PAK1: variants seen among roughly 807,000 people sequenced by gnomAD.
The protein encoded by PAK1 is p21 (RAC1) activated kinase 1.
PAK1 carries 29 observed loss-of-function variants against 67.4 expected under a neutral mutation model. The ratio of observed to expected loss-of-function variants is 0.43; its 90% CI spans 0.32 to 0.59. The LOEUF (loss-of-function observed/expected upper bound fraction) is 0.59, where lower values mean the gene tolerates loss of function less well. Among genes scored for constraint, PAK1 ranks in the 20% least tolerant of loss-of-function variants. The pLI is 0.07. For missense variants in PAK1, 337 were observed against 670.7 expected, an observed-to-expected ratio of 0.50 and a Z score of 5.50; for synonymous variants, 223 against 237.4, an observed-to-expected ratio of 0.94 and a Z score of 0.56.
At chr11:77,334,191 TAAAAAAATA>T (rs1942259651) in intron 13 of PAK1, among the ~76,000 whole-genome samples, 2 of 149,936 alleles carry the variant, frequency 1.3e-5, no homozygotes, top group Admixed American at 1.3e-4. Context: ...AAAATAAAAA[TAAAAAAATA>T]AAAAAATATG....
chr11:77,389,851 T>C (rs951657081), intron 2 of PAK1, among the ~76,000 whole-genome samples: 7 of 152,214 alleles, frequency 4.6e-5, no homozygotes, highest in South Asian at 2.1e-4. Flanking sequence ...TAAATGTTTT[T>C]AGTTTTGATG....
At chr11:77,324,909 C>T (rs760823495) in intron 14 of PAK1, among the ~76,000 whole-genome samples, 24 of 152,044 alleles carry the variant, frequency 1.6e-4, no homozygotes, top group Non-Finnish European at 3.4e-4. Context: ...AGAACAAGAA[C>T]GTACTATTAC....
chr11:77,414,177 C>G (rs1433646118), intron 1 of PAK1, among the ~76,000 whole-genome samples: 1 of 152,200 alleles, frequency 6.6e-6, no homozygotes, highest in Admixed American at 6.5e-5. Flanking sequence ...ATTTATTATG[C>G]CCCTCCACTT....
intron 2 of PAK1, among the ~76,000 whole-genome samples, chr11:77,384,567 A>G (rs1950223334): frequency 6.6e-6 from 1 of 152,258 alleles, no homozygotes; most frequent in Non-Finnish European, 1.5e-5. Context: ...TTATTCAGCC[A>G]TGAAGAGAAA....
At chr11:77,461,192 G>A (rs1957326877) in intron 1 of PAK1, among the ~76,000 whole-genome samples, 1 of 152,124 alleles carries the variant, frequency 6.6e-6, no homozygotes, top group Non-Finnish European at 1.5e-5. Context: ...TATATGCAGT[G>A]CTATTGGGTA....
At chr11:77,341,592 T>C (rs1419343394) in intron 10 of PAK1, among the ~76,000 whole-genome samples, 3 of 152,252 alleles carry the variant, frequency 2.0e-5, no homozygotes, top group Non-Finnish European at 4.4e-5. Context: ...AATAAAAAGG[T>C]CACTTAGCCT....
At chr11:77,437,433 A>T (rs1294093310) in intron 1 of PAK1, among the ~76,000 whole-genome samples, 1 of 152,254 alleles carries the variant, frequency 6.6e-6, no homozygotes, top group Non-Finnish European at 1.5e-5. Context: ...TCTGGTACAC[A>T]GTGAGTGCTA....
intron 1 of PAK1, among the ~76,000 whole-genome samples, chr11:77,409,476 A>G (rs375505292): frequency 6.6e-6 from 1 of 152,186 alleles, no homozygotes; most frequent in African/African-American, 2.4e-5. Context: ...GCAAATCAAT[A>G]TATGAAAGAT....
At chr11:77,513,444 G>A in the PAK1 span, among the ~76,000 whole-genome samples, 5 of 151,996 alleles carry the variant, frequency 3.3e-5, no homozygotes, top group Admixed American at 1.3e-4. Context: ...TGAGGCAGGC[G>A]GATCAACTTG....
intron 5 of PAK1, among the ~76,000 whole-genome samples, chr11:77,365,417 GAAAAAA>G (rs927356418): frequency 7.0e-6 from 1 of 143,774 alleles, no homozygotes; most frequent in Non-Finnish European, 1.5e-5. Context: ...CTCTGAGGAA[GAAAAAA>G]AAAAGACACA....
chr11:77,342,577 G>T (rs1176602009), intron 10 of PAK1, among the ~76,000 whole-genome samples: 7 of 152,118 alleles, frequency 4.6e-5, no homozygotes, highest in Non-Finnish European at 8.8e-5. Flanking sequence ...AGATGATAAG[G>T]TACTAACTTT....
At chr11:77,528,359 T>C in the PAK1 span, among the ~76,000 whole-genome samples, 2,389 of 151,208 alleles carry the variant, frequency 0.016, 58 homozygotes, top group African/African-American at 0.055. Context: ...GTTACATATG[T>C]CTCTTTTTTT....
intron 13 of PAK1, among the ~76,000 whole-genome samples, chr11:77,335,621 A>G (rs1942556469): frequency 6.6e-6 from 1 of 152,188 alleles, no homozygotes; most frequent in African/African-American, 2.4e-5. Flanking sequence ...TCTATTTTCC[A>G]TAAAAGCGGC....
chr11:77,364,180 A>G (rs1212772404), intron 5 of PAK1, among the ~76,000 whole-genome samples: 2 of 152,256 alleles, frequency 1.3e-5, no homozygotes, highest in Admixed American at 1.3e-4. Flanking sequence ...TGCTAGTCAC[A>G]CATGCCTGGC....
At position 77,425,899 on chromosome 11, in the gene PAK1, T is replaced by A. The variant is rs190193908; in HGVS notation, c.-21-33358A>T. On this transcript the variant is annotated intron_variant, in intron 1 of 14. Transcript: ENST00000356341. ...CAGGGGGATCGCTTGAGCCCACAAGTTCAAGGCTACAGTGGGCTATGATCA... is the reference window on the plus strand; with the variant it reads ...CAGGGGGATCGCTTGAGCCCACAAGATCAAGGCTACAGTGGGCTATGATCA... Among the ~76,000 whole-genome samples, 17 of 152,040 alleles carry A rather than the reference T, an allele frequency of 1.1e-4. No individual in the cohort carries two copies. In the East Asian group the frequency reaches 3.3e-3, roughly 29 times the overall value.
At chr11:77,508,441 C>G in the PAK1 span, among the ~76,000 whole-genome samples, 1 of 152,062 alleles carries the variant, frequency 6.6e-6, no homozygotes, top group African/African-American at 2.4e-5. Flanking sequence ...GAAAGACATC[C>G]CTAATTTGAG....
chr11:77,346,887 AT>A, intron 9 of PAK1: 1 of 396,862 alleles, frequency 2.5e-6, no homozygotes, highest in East Asian at 7.1e-5. Flanking sequence ...TGTTCTTTCT[AT>A]TGTACACATT....
the PAK1 span, among the ~76,000 whole-genome samples, chr11:77,489,409 T>C: frequency 2.0e-5 from 3 of 150,828 alleles, no homozygotes; most frequent in African/African-American, 7.3e-5. Flanking sequence ...CTCTCCTCTC[T>C]CCTCTCTCCT....
intron 5 of PAK1, among the ~76,000 whole-genome samples, chr11:77,368,479 T>C (rs1164927380): frequency 6.6e-6 from 1 of 152,084 alleles, no homozygotes; most frequent in African/African-American, 2.4e-5. Flanking sequence ...GAGGATATGC[T>C]CCACCAAATT....
Sources: allele counts gnomAD v4.1 joint callset (sites outside exome capture counted in the v4.1 genomes callset), GRCh38; gene constraint gnomAD v4.1.1; transcripts MANE v1.5; gene names NCBI Gene and HGNC (gene_info 2026-07-23, HGNC 2026-07-21).